The following ADGRL3 variants were observed in gnomAD, a reference collection of about 807,000 sequenced individuals.
ADGRL3 encodes the protein adhesion G protein-coupled receptor L3, also known as calcium-independent alpha-latrotoxin receptor 3.
In ADGRL3, 62 loss-of-function variants were observed where a neutral mutation model predicts 153.5. That is an observed-to-expected ratio of 0.40 (90% CI 0.33 to 0.50). ADGRL3 has a LOEUF of 0.50. Ranked by LOEUF, ADGRL3 falls within the 20% of genes least tolerant of loss-of-function variation. The pLI, the probability that ADGRL3 is intolerant of heterozygous loss-of-function variation, is 0.47. For synonymous variants in ADGRL3, 710 were observed against 672.5 expected (o/e 1.06, Z -0.86); for missense variants, 1,641 against 1,859.4 (o/e 0.88, Z 2.16).
At chr4:61,743,595 G>T (rs1245558119) in intron 8 of ADGRL3, among the ~76,000 whole-genome samples, 1 of 152,108 alleles carries the variant, frequency 6.6e-6, no homozygotes, top group Non-Finnish European at 1.5e-5. Flanking sequence ...CGATAATTTG[G>T]CTGTTAGCAT....
intron 4 of ADGRL3, among the ~76,000 whole-genome samples, chr4:61,560,349 AT>A (rs1463376358): frequency 2.0e-5 from 3 of 152,194 alleles, no homozygotes; most frequent in East Asian, 3.8e-4. Context: ...GTCACCTGAA[AT>A]ATAACAGCAT....
At chr4:61,299,682 C>G (rs1333872726) in intron 1 of ADGRL3, among the ~76,000 whole-genome samples, 1 of 152,016 alleles carries the variant, frequency 6.6e-6, no homozygotes, top group Non-Finnish European at 1.5e-5. Context: ...GTCACATGAC[C>G]CAAAGAACTG....
Position 61,732,828 on chromosome 4 carries a change from G to T in ADGRL3, c.673G>T (p.Ala225Ser). ...GTTTGAGTCCGACCACCAATCTGGG[G>T]CGTGGTGCAAAGACCCTCTGCAGGC... is the stretch of plus-strand genomic sequence containing the variant. The part of the protein sequence containing the change: ...HLFESDHQSG[A>S]WCKDPLQASD... Residue 225 changes from alanine (A) to serine (S), a missense_variant, in exon 8 of 27, where the codon GCG becomes TCG. Physicochemically the swap from Ala to Ser is moderately conservative, Grantham distance 99. This residue lies in a region of ADGRL3 where 213 missense variants were observed against 362.1 expected (regional missense o/e 0.59). Coordinates refer to ENST00000683033, the MANE Select transcript of ADGRL3 (RefSeq NM_001387552.1). 6.2e-7 allele frequency: 1 copy of T among 1,611,374 alleles called. No homozygotes were observed. The highest frequency in any genetic ancestry group is 8.5e-7 in the Non-Finnish European group (1 of 1,178,802).
chr4:61,349,741 G>A (rs1314360877), intron 1 of ADGRL3, among the ~76,000 whole-genome samples: 1 of 152,056 alleles, frequency 6.6e-6, no homozygotes, highest in Non-Finnish European at 1.5e-5. Flanking sequence ...ACTGTTAGAT[G>A]TCATTATTTT....
intron 6 of ADGRL3, among the ~76,000 whole-genome samples, chr4:61,702,861 G>A (rs1053769662): frequency 1.3e-5 from 2 of 152,076 alleles, no homozygotes; most frequent in African/African-American, 4.8e-5. Flanking sequence ...AATATTTAGA[G>A]TGTAGTTGAA....
At chr4:61,532,547 C>T (rs143355698) in intron 4 of ADGRL3, among the ~76,000 whole-genome samples, 923 of 62,142 alleles carry the variant, frequency 0.015, 11 homozygotes, top group African/African-American at 0.04. Flanking sequence ...CGCGCGCGCG[C>T]GCGCGCGCGT....
chr4:61,609,964 T>G (rs1275886089), intron 5 of ADGRL3, among the ~76,000 whole-genome samples: 1 of 152,018 alleles, frequency 6.6e-6, no homozygotes, highest in African/African-American at 2.4e-5. Flanking sequence ...TGGTTTGTAT[T>G]TATGTCTAAA....
At chr4:61,900,059 G>A (rs1251908412) in intron 11 of ADGRL3, among the ~76,000 whole-genome samples, 1 of 152,136 alleles carries the variant, frequency 6.6e-6, no homozygotes, top group East Asian at 1.9e-4. Context: ...ATGAAGGAAA[G>A]AGCACTGACT....
rs946111240 is a variant in ADGRL3, at chr4:61,518,744, G to T, written c.259+1226G>T. Among the ~76,000 whole-genome samples the T allele has an allele frequency of 4.6e-5, 7 of 152,270 alleles. No individual in the cohort carries two copies. In the East Asian group the frequency reaches 9.7e-4, roughly 21 times the overall value. On this transcript the variant is annotated intron_variant, in intron 4 of 26. Transcript: ENST00000683033. Reference sequence around the variant, plus strand: ...CAGTGGTGATGACAGGCAGCAAAGTGGTGGGCGAGGCCATGCAATACCATA... The same window carrying T: ...CAGTGGTGATGACAGGCAGCAAAGTTGTGGGCGAGGCCATGCAATACCATA...
chr4:61,946,947 A>G lies in ADGRL3; in HGVS notation c.2453A>G (p.Asn818Ser), dbSNP rs534811237. 1.5e-5 allele frequency: 25 copies of G among 1,613,826 alleles called. No individual in the cohort carries two copies. The Admixed American group carries it at 2.3e-4, about 15-fold the overall frequency. The change falls in exon 16 of 27, where the codon AAC becomes AGC. Residue 818 changes from asparagine (N) to serine (S), a missense_variant. This residue lies in a region of ADGRL3 where 734 missense variants were observed against 797.0 expected (regional missense o/e 0.92). Coordinates refer to ENST00000683033, the MANE Select transcript of ADGRL3 (RefSeq NM_001387552.1). The stretch of plus-strand genomic sequence containing the variant: ...AGAGTGGCCTTTGTCCTGTATAACA[A>G]CTTGGGTCCTTATTTATCCACGGAG... ...EIRVAFVLYN[N>S]LGPYLSTENA... is the part of the protein sequence containing the mutation.
intron 9 of ADGRL3, among the ~76,000 whole-genome samples, chr4:61,834,765 T>TAA (rs1202669647): frequency 1.3e-5 from 2 of 152,140 alleles, no homozygotes; most frequent in Non-Finnish European, 2.9e-5. Context: ...CATTAGTACT[T>TAA]ACATCCATAA....
At chr4:61,380,002 C>T (rs999259774) in intron 1 of ADGRL3, among the ~76,000 whole-genome samples, 3 of 151,818 alleles carry the variant, frequency 2.0e-5, no homozygotes, top group Non-Finnish European at 4.4e-5. Context: ...TCCATACCAA[C>T]CTCAGAGAAT....
chr4:61,232,009 A>G (rs1560372228), intron 1 of ADGRL3, among the ~76,000 whole-genome samples: 1 of 151,766 alleles, frequency 6.6e-6, no homozygotes, highest in Non-Finnish European at 1.5e-5. Context: ...GGAAAATTGT[A>G]AACAGGTTTG....
chr4:61,728,621 G>A (rs958356504), intron 6 of ADGRL3, among the ~76,000 whole-genome samples: 1 of 152,014 alleles, frequency 6.6e-6, no homozygotes, highest in Non-Finnish European at 1.5e-5. Flanking sequence ...CCATGAACGA[G>A]CATTTTTGTA....
intron 9 of ADGRL3, among the ~76,000 whole-genome samples, chr4:61,826,521 G>A (rs774364041): frequency 2.0e-5 from 3 of 152,180 alleles, no homozygotes; most frequent in Admixed American, 6.5e-5. Flanking sequence ...AGAGGAGAGA[G>A]TAGGGATATA....
At chr4:61,359,484 G>A (rs1264189726) in intron 1 of ADGRL3, among the ~76,000 whole-genome samples, 1 of 152,060 alleles carries the variant, frequency 6.6e-6, no homozygotes, top group Non-Finnish European at 1.5e-5. Context: ...TAGCCCCCTT[G>A]CTGCTACATA....
In ADGRL3 at chr4:61,202,722, C is replaced by T. The variant is rs552819864; in HGVS notation, c.-240+957C>T. Among the ~76,000 whole-genome samples, 235 of 152,252 alleles carry T rather than the reference C, an allele frequency of 1.5e-3. 1 individual carries two copies. Among genetic ancestry groups the T allele is most frequent in the African/African-American group, 5.1e-3 (210 of 41,556 alleles). ...CGTCGGAGCTCAGAAGCTTAGGGTG[C>T]CAGGCCCCCAGCACTATAGGTGGGT... is the stretch of plus-strand genomic sequence containing the variant. On this transcript the variant is annotated intron_variant, in intron 1 of 26. Coordinates refer to ENST00000683033, the MANE Select transcript of ADGRL3 (RefSeq NM_001387552.1). This position sits in a 1 kb window ranked among gnomAD's most constrained non-coding sequence, Gnocchi z 5.0.
rs576039037 is a variant in ADGRL3 at position 62,074,116 on chromosome 4, G to A, written c.*3208G>A. 1.3e-4 allele frequency: 19 copies of A among 149,774 alleles called. No homozygotes were observed. Among genetic ancestry groups the A allele is most frequent in the African/African-American group, 4.6e-4 (19 of 40,894 alleles). The allele number at this position is 149,774 out of a possible 1,614,324, so 9.3% of individuals were successfully genotyped here. A position where few individuals can be genotyped will look rare whatever the true frequency, so the allele number is the denominator to read the frequency against. ...ATTGTTCTTTTTTCTACCACCTTTT[G>A]TGACTCAATTTTTTAAGATCCTGAG... On this transcript the variant is annotated 3_prime_UTR_variant, in exon 27 of 27. Transcript: ENST00000683033.
intron 21 of ADGRL3, among the ~76,000 whole-genome samples, chr4:62,005,999 CACACATATATATATATAT>C (rs1405042037): frequency 2.4e-5 from 2 of 82,614 alleles, no homozygotes; most frequent in African/African-American, 8.9e-5. Context: ...CACACACACA[CACACATATATATATATAT>C]ATATATATAT....
Sources: gnomAD v4.1 joint callset for allele counts (sites outside exome capture counted in the v4.1 genomes callset) on GRCh38, gnomAD v4.1.1 for gene constraint, gnomAD v4.1.1 regional missense constraint, Gnocchi (gnomAD v3.1) non-coding constraint, MANE v1.5 for transcripts, NCBI Gene and HGNC (gene_info 2026-07-23, HGNC 2026-07-21) for gene names.